The following ADGRG3 variants were observed in gnomAD, a reference collection of about 807,000 sequenced individuals.
ADGRG3 encodes the protein G protein-coupled receptor 97.
In ADGRG3, 39 loss-of-function variants were observed where a neutral mutation model predicts 54.3. The ratio of observed to expected loss-of-function variants is 0.72; its 90% confidence interval spans 0.56 to 0.94. ADGRG3 has a LOEUF of 0.94. Ranked by LOEUF, ADGRG3 falls within the 40% of genes least tolerant of loss-of-function variation. ADGRG3 has a pLI of 0.00. For missense variants in ADGRG3, 654 were observed against 694.6 expected, an observed-to-expected ratio of 0.94 and a Z score of 0.66; for synonymous variants, 312 against 290.0, an observed-to-expected ratio of 1.08 and a Z score of -0.77.
chr16:57,683,042 C>T (rs1366445218), intron 8 of ADGRG3, among the ~76,000 whole-genome samples: 1 of 152,208 alleles, frequency 6.6e-6, no homozygotes, highest in Admixed American at 6.5e-5. Context: ...CAGAGATGGC[C>T]TCCCCAGAAG....
Position 57,669,118 on chromosome 16 carries a change from G to T in ADGRG3, c.58+713G>T, listed in dbSNP as rs912297374. ...TCTGTGGCGTCTTAGCAACCCTCTCGGACAGAGGGAGGTGCTCCCCCGTTA... is the reference window on the plus strand; with the variant it reads ...TCTGTGGCGTCTTAGCAACCCTCTCTGACAGAGGGAGGTGCTCCCCCGTTA... On this transcript the variant is annotated intron_variant, in intron 1 of 11. Coordinates refer to ENST00000333493, the MANE Select transcript of ADGRG3 (RefSeq NM_170776.5). Among the ~76,000 whole-genome samples the T allele has an allele frequency of 2.0e-5, 3 of 152,212 alleles. No individual in the cohort carries two copies. The South Asian group carries it at 6.2e-4, about 32-fold the overall frequency.
intron 2 of ADGRG3, among the ~76,000 whole-genome samples, chr16:57,675,012 A>AAAAAGT (rs35561154): frequency 8.7e-6 from 1 of 115,342 alleles, no homozygotes; most frequent in Non-Finnish European, 1.8e-5. Flanking sequence ...AAAAAAAAAA[A>AAAAAGT]AGCAGCAGCA....
chr16:57,678,190 G>A lies in ADGRG3; in HGVS notation c.366G>A (p.Lys122=). 1.2e-6 allele frequency: 2 copies of A among 1,614,178 alleles called. No individual in the cohort carries two copies. Among genetic ancestry groups the A allele is most frequent in the East Asian group, 2.2e-5 (1 of 44,886 alleles). Residue 122 remains lysine (K), a synonymous_variant, in exon 4 of 12, where the codon AAG becomes AAA. Coordinates refer to ENST00000333493, the MANE Select transcript of ADGRG3 (RefSeq NM_170776.5). ...TGTAGGTTCCGAGGCAGGTGATGAAGGACGAGGACAAGCCCCCTGACAGAG... is the reference window on the plus strand; with the variant it reads ...TGTAGGTTCCGAGGCAGGTGATGAAAGACGAGGACAAGCCCCCTGACAGAG... ...EPSQVPRQVM[K]DEDKPPDRVR... is the part of the protein sequence containing the mutation.
In ADGRG3 at chr16:57,679,210, G is replaced by A. The variant is rs376154437; in HGVS notation, c.526G>A (p.Val176Met). ...PRLGLGDGSG[V>M]LNNRLVGLSV... ...GCTCGGCCTGGGAGATGGCAGCGGC[G>A]TGTTGAACAATCGCCTGGTGGGTTT... Residue 176 changes from valine (V) to methionine (M), a missense_variant, in exon 5 of 12, where the codon GTG becomes ATG. Physicochemically the swap from Val to Met is conservative, Grantham distance 21 (BLOSUM62 1). Transcript: ENST00000333493. 39 of 1,613,908 alleles carry A rather than the reference G, an allele frequency of 2.4e-5. No individual in the cohort carries two copies. The highest frequency in any genetic ancestry group is 2.0e-4 in the East Asian group (9 of 44,898).
At chr16:57,680,652 C>T (rs373684827) in intron 8 of ADGRG3, 35 bp downstream of exon 8, 6 of 1,454,580 alleles carry the variant, frequency 4.1e-6, no homozygotes, top group Non-Finnish European at 5.8e-6. Flanking sequence ...ATGTCTCCCT[C>T]CCGCCCTCAA....
chr16:57,679,238 G>A lies in ADGRG3; in HGVS notation c.554G>A (p.Ser185Asn), dbSNP rs201334045. The A allele has an allele frequency of 1.9e-5, 31 of 1,614,064 alleles. No homozygotes were observed. The Admixed American group carries it at 2.2e-4, about 11-fold the overall frequency. Residue 185 changes from serine (S) to asparagine (N), a missense_variant, in exon 5 of 12, where the codon AGT becomes AAT. Physicochemically the swap from Ser to Asn is conservative, Grantham distance 46 (BLOSUM62 1). Transcript: ENST00000333493. Reference sequence around the variant, plus strand: ...TTGAACAATCGCCTGGTGGGTTTGAGTGTGGGACAAATGCATGTCACCAAG... The same window carrying A: ...TTGAACAATCGCCTGGTGGGTTTGAATGTGGGACAAATGCATGTCACCAAG... ...GVLNNRLVGL[S>N]VGQMHVTKLA...
intron 8 of ADGRG3, among the ~76,000 whole-genome samples, chr16:57,682,069 A>G (rs2048382856): frequency 6.6e-6 from 1 of 152,222 alleles, no homozygotes; most frequent in Admixed American, 6.5e-5. Flanking sequence ...GGTTTGAGCT[A>G]ACAAAGAACC....
intron 2 of ADGRG3, among the ~76,000 whole-genome samples, chr16:57,675,887 G>C (rs1298568231): frequency 3.9e-5 from 6 of 152,168 alleles, no homozygotes; most frequent in Non-Finnish European, 7.3e-5. Flanking sequence ...TAGTGTGACG[G>C]TTGCACAACA....
At chr16:57,672,432 A>G (rs1029967779) in intron 1 of ADGRG3, among the ~76,000 whole-genome samples, 1 of 152,232 alleles carries the variant, frequency 6.6e-6, no homozygotes, top group Admixed American at 6.5e-5. Flanking sequence ...CCTTCTGCAA[A>G]ATTTCCAGAA....
chr16:57,680,913 T>C (rs1423839339), intron 8 of ADGRG3, among the ~76,000 whole-genome samples: 1 of 152,192 alleles, frequency 6.6e-6, no homozygotes, highest in Non-Finnish European at 1.5e-5. Flanking sequence ...TGCATGGACT[T>C]CTGGCAGGGT....
intron 2 of ADGRG3, among the ~76,000 whole-genome samples, chr16:57,675,950 T>A (rs1173942803): frequency 6.6e-6 from 1 of 152,214 alleles, no homozygotes; most frequent in Non-Finnish European, 1.5e-5. Flanking sequence ...GTTAAAATGG[T>A]AAATTTTATG....
At chr16:57,673,749 A>C (rs1180268148) in intron 2 of ADGRG3, among the ~76,000 whole-genome samples, 4 of 152,192 alleles carry the variant, frequency 2.6e-5, no homozygotes, top group East Asian at 1.9e-4. Flanking sequence ...TCCAGAGTGT[A>C]TACAGAATGG....
chr16:57,679,113 C>T (rs2048316395), intron 4 of ADGRG3, 64 bp from the exon 5 acceptor site: 1 of 1,594,978 alleles, frequency 6.3e-7, no homozygotes, highest in Non-Finnish European at 8.6e-7. Flanking sequence ...CCTAGGAACC[C>T]CAGCGTTGGT....
At chr16:57,666,804 G>T (rs1393272107), upstream of ADGRG3, among the ~76,000 whole-genome samples, 13 of 152,156 alleles carry the variant, frequency 8.5e-5, no homozygotes, top group Admixed American at 8.5e-4. Flanking sequence ...TGGGCTGGCT[G>T]CTCGGAATCT....
intron 1 of ADGRG3, among the ~76,000 whole-genome samples, chr16:57,670,881 T>C (rs1157542408): frequency 2.6e-5 from 4 of 152,182 alleles, no homozygotes; most frequent in African/African-American, 9.6e-5. Flanking sequence ...CTGGACATGA[T>C]TTTTAAAAAA....
chr16:57,683,026 G>T (rs1597777269), intron 8 of ADGRG3, among the ~76,000 whole-genome samples: 1 of 152,210 alleles, frequency 6.6e-6, no homozygotes. Flanking sequence ...CAGGCTAAGG[G>T]GCATTCAGAG....
chr16:57,668,857 A>C (rs2048099944), intron 1 of ADGRG3, among the ~76,000 whole-genome samples: 2 of 152,088 alleles, frequency 1.3e-5, no homozygotes, highest in Admixed American at 6.5e-5. Flanking sequence ...CTCCTCCCGC[A>C]CATGTCACCC....
chr16:57,674,931 G>T (rs1381073299), intron 2 of ADGRG3, among the ~76,000 whole-genome samples: 2 of 147,618 alleles, frequency 1.4e-5, no homozygotes, highest in Admixed American at 6.9e-5. Flanking sequence ...AGGAGGTAAA[G>T]GTTGCAGTGA....
chr16:57,681,657 C>T (rs59520378), intron 8 of ADGRG3, among the ~76,000 whole-genome samples: 170 of 130,334 alleles, frequency 1.3e-3, no homozygotes, highest in African/African-American at 4.3e-3. Context: ...ACCAAGGAGG[C>T]GGAGGTTGCA....
Sources: gnomAD v4.1 joint callset for allele counts (sites outside exome capture counted in the v4.1 genomes callset) on GRCh38, gnomAD v4.1.1 for gene constraint, MANE v1.5 for transcripts, NCBI Gene and HGNC (gene_info 2026-07-23, HGNC 2026-07-21) for gene names.